The following LDLRAD3 variants were observed in gnomAD, a reference collection of about 807,000 sequenced individuals.
The protein encoded by LDLRAD3 is low-density lipoprotein receptor class A domain-containing protein 3.
A neutral mutation model predicts 29.4 loss-of-function variants in LDLRAD3; 20 were observed. The observed-to-expected ratio is 0.68, with a 90% CI of 0.48 to 0.99. The LOEUF (loss-of-function observed/expected upper bound fraction) is 0.99, where lower values mean the gene tolerates loss of function less well. Among genes scored for constraint, LDLRAD3 ranks in the 50% least tolerant of loss-of-function variants. The pLI is 0.00. For synonymous variants in LDLRAD3, 157 were observed against 192.7 expected (o/e 0.81, Z 1.53); for missense variants, 420 against 454.3 (o/e 0.92, Z 0.69).
chr11:36,066,169 T>G (rs1852789346), intron 2 of LDLRAD3, among the ~76,000 whole-genome samples: 1 of 151,850 alleles, frequency 6.6e-6, no homozygotes, highest in Admixed American at 6.6e-5. Context: ...TCTTTTTTTT[T>G]TTTTTCTTAC....
At chr11:35,971,932 T>C (rs1037254218) in intron 1 of LDLRAD3, among the ~76,000 whole-genome samples, 2 of 152,100 alleles carry the variant, frequency 1.3e-5, no homozygotes, top group South Asian at 4.1e-4. Context: ...CCCAGTATTC[T>C]ATCTGAATGG....
intron 2 of LDLRAD3, among the ~76,000 whole-genome samples, chr11:36,059,363 A>C (rs1176726540): frequency 1.3e-5 from 2 of 151,682 alleles, no homozygotes; most frequent in Non-Finnish European, 2.9e-5. Flanking sequence ...TCTCAGAAAA[A>C]AAAAAAAAAA....
At chr11:36,183,581 C>T (rs1854797014) in intron 4 of LDLRAD3, among the ~76,000 whole-genome samples, 1 of 152,296 alleles carries the variant, frequency 6.6e-6, no homozygotes, top group Admixed American at 6.5e-5. Flanking sequence ...TACTCTAATA[C>T]TTCTCAAAGT....
At position 36,229,274 on chromosome 11, in the gene LDLRAD3, C is replaced by G. The variant is rs763462182; in HGVS notation, c.915C>G (p.Ser305=). Residue 305 remains serine, a synonymous_variant, in exon 6 of 6, where the codon TCC becomes TCG. Coordinates refer to ENST00000315571, the MANE Select transcript of LDLRAD3 (RefSeq NM_174902.4). ...CCGGGAGTGCCAACAGTGCCAGCTC[C>G]CAGGCAGCCAGCAGCCTCCTGAGCG... ...SRSGSANSAS[S]QAASSLLSVE... 6.2e-7 allele frequency: 1 copy of G among 1,614,140 alleles called. No homozygotes were observed. Among genetic ancestry groups the G allele is most frequent in the Non-Finnish European group, 8.5e-7 (1 of 1,180,022 alleles).
chr11:36,151,624 G>A (rs1202390764), intron 4 of LDLRAD3, among the ~76,000 whole-genome samples: 1 of 152,064 alleles, frequency 6.6e-6, no homozygotes, highest in African/African-American at 2.4e-5. Context: ...CCGTGAGGGC[G>A]GGATCCCACT....
chr11:36,027,852 AT>A (rs1852187538), intron 1 of LDLRAD3, among the ~76,000 whole-genome samples: 1 of 152,216 alleles, frequency 6.6e-6, no homozygotes, highest in African/African-American at 2.4e-5. Context: ...GCCCTGGCTT[AT>A]CACAAGCCAG....
At chr11:36,161,179 C>T (rs1476932191) in intron 4 of LDLRAD3, among the ~76,000 whole-genome samples, 1 of 152,150 alleles carries the variant, frequency 6.6e-6, no homozygotes, top group East Asian at 1.9e-4. Context: ...ATTTCCCTTT[C>T]CTGTAGCAGA....
chr11:36,069,658 A>G (rs1430605231), intron 2 of LDLRAD3, among the ~76,000 whole-genome samples: 1 of 151,796 alleles, frequency 6.6e-6, no homozygotes, highest in African/African-American at 2.4e-5. Context: ...TTAATTAATG[A>G]AAAGATGCCA....
At chr11:36,059,601 C>T (rs2133231990) in intron 2 of LDLRAD3, among the ~76,000 whole-genome samples, 1 of 152,262 alleles carries the variant, frequency 6.6e-6, no homozygotes, top group East Asian at 1.9e-4. Flanking sequence ...GATGTTGCCT[C>T]TGCCTGGCTG....
intron 4 of LDLRAD3, among the ~76,000 whole-genome samples, chr11:36,170,775 C>T (rs1590328587): frequency 6.7e-6 from 1 of 150,168 alleles, no homozygotes; most frequent in Non-Finnish European, 1.5e-5. Context: ...AGCAATTTGT[C>T]ATACGTTTGT....
intron 4 of LDLRAD3, among the ~76,000 whole-genome samples, chr11:36,172,097 G>A (rs552283007): frequency 6.6e-6 from 1 of 152,108 alleles, no homozygotes; most frequent in African/African-American, 2.4e-5. Context: ...ATTGCAAAAG[G>A]AGTTGAGTTC....
chr11:36,227,485 G>A (rs1855517356), intron 5 of LDLRAD3, 55 bp downstream of exon 5: 1 of 1,323,994 alleles, frequency 7.6e-7, no homozygotes, highest in African/African-American at 1.5e-5. Flanking sequence ...TGCGGGGAGG[G>A]GAATAGGTGC....
At chr11:36,120,403 A>T (rs1853738570) in intron 4 of LDLRAD3, among the ~76,000 whole-genome samples, 2 of 152,198 alleles carry the variant, frequency 1.3e-5, no homozygotes, top group Admixed American at 1.3e-4. Context: ...AGTTGTACTC[A>T]TTGGAAACTG....
intron 4 of LDLRAD3, among the ~76,000 whole-genome samples, chr11:36,205,064 G>A (rs1443484249): frequency 6.6e-6 from 1 of 152,146 alleles, no homozygotes; most frequent in East Asian, 1.9e-4. Context: ...AAACTAAGAG[G>A]AAACTAAGAT....
At chr11:35,989,786 G>C (rs1851664717) in intron 1 of LDLRAD3, among the ~76,000 whole-genome samples, 1 of 152,150 alleles carries the variant, frequency 6.6e-6, no homozygotes, top group Non-Finnish European at 1.5e-5. Context: ...TTGTTTATCA[G>C]TTCTGGGAGC....
At chr11:36,199,450 C>T (rs1855085085) in intron 4 of LDLRAD3, among the ~76,000 whole-genome samples, 2 of 152,170 alleles carry the variant, frequency 1.3e-5, no homozygotes, top group African/African-American at 4.8e-5. Flanking sequence ...CCTCTTTCTC[C>T]TCCTCATCTA....
chr11:36,192,328 C>T (rs150447471), intron 4 of LDLRAD3, among the ~76,000 whole-genome samples: 262 of 152,282 alleles, frequency 1.7e-3, no homozygotes, highest in African/African-American at 6.1e-3. Flanking sequence ...ACCACTGCAC[C>T]CCCACTTGTC....
chr11:36,021,907 C>T (rs1352465734), intron 1 of LDLRAD3, among the ~76,000 whole-genome samples: 1 of 152,172 alleles, frequency 6.6e-6, no homozygotes. Flanking sequence ...TACCTGAGCC[C>T]TGCAAGTGCT....
At chr11:35,946,846 T>C (rs1851063452) in intron 1 of LDLRAD3, among the ~76,000 whole-genome samples, 1 of 152,228 alleles carries the variant, frequency 6.6e-6, no homozygotes, top group African/African-American at 2.4e-5. Context: ...GCTGAGTAGC[T>C]GTGCACATCT....
Sources: allele counts gnomAD v4.1 joint callset (sites outside exome capture counted in the v4.1 genomes callset), GRCh38; gene constraint gnomAD v4.1.1; transcripts MANE v1.5; gene names NCBI Gene and HGNC (gene_info 2026-07-23, HGNC 2026-07-21).